AKAP6: variants seen among roughly 807,000 people sequenced by gnomAD.
The protein encoded by AKAP6 is A-kinase anchoring protein 6, also known as A-kinase anchor protein 6.
In AKAP6, 58 loss-of-function variants were observed where a neutral mutation model predicts 188.5. That is an observed-to-expected ratio of 0.31 (90% CI 0.25 to 0.38). AKAP6 has a LOEUF of 0.38. AKAP6 is among the 10% of genes least tolerant of loss of function. The pLI, the probability that AKAP6 is intolerant of heterozygous loss-of-function variation, is 1.00. For missense variants in AKAP6, 2,710 were observed against 2,740.0 expected (o/e 0.99, Z 0.24); for synonymous variants, 989 against 998.6 (o/e 0.99, Z 0.18).
At chr14:32,401,840 A>G (rs191962775) in intron 1 of AKAP6, among the ~76,000 whole-genome samples, 3 of 152,336 alleles carry the variant, frequency 2.0e-5, no homozygotes, top group African/African-American at 7.2e-5. Context: ...GCAGGAATCA[A>G]GCCTCATGAT....
intron 9 of AKAP6, among the ~76,000 whole-genome samples, chr14:32,711,644 C>T (rs1314762408): frequency 1.3e-5 from 2 of 152,032 alleles, no homozygotes; most frequent in Non-Finnish European, 2.9e-5. Context: ...CAAAGAGGCT[C>T]AGATCTCTAT....
chr14:32,584,693 T>G (rs1434401773), intron 5 of AKAP6, among the ~76,000 whole-genome samples: 2 of 141,792 alleles, frequency 1.4e-5, no homozygotes, highest in Non-Finnish European at 2.9e-5. Flanking sequence ...TATGACACTA[T>G]TAGGTTAGTT....
intron 1 of AKAP6, among the ~76,000 whole-genome samples, chr14:32,351,970 G>A (rs1050413974): frequency 1.3e-5 from 2 of 151,908 alleles, no homozygotes; most frequent in African/African-American, 4.8e-5. Flanking sequence ...TTGAACTTGG[G>A]TTTGTCTCCA....
At chr14:32,559,813 G>A (rs1388925065) in intron 4 of AKAP6, among the ~76,000 whole-genome samples, 1 of 138,666 alleles carries the variant, frequency 7.2e-6, no homozygotes, top group East Asian at 2.1e-4. Context: ...TTAAGGCAGA[G>A]TCTTGCTCTG....
intron 1 of AKAP6, among the ~76,000 whole-genome samples, chr14:32,354,580 C>G (rs192185515): frequency 2.6e-5 from 4 of 152,316 alleles, no homozygotes; most frequent in African/African-American, 9.6e-5. Flanking sequence ...TTAAACTTAT[C>G]CTATTGCTCT....
At chr14:32,790,459 G>A (rs1442554553) in intron 12 of AKAP6, among the ~76,000 whole-genome samples, 2 of 151,992 alleles carry the variant, frequency 1.3e-5, no homozygotes, top group African/African-American at 4.8e-5. Flanking sequence ...AAAATGTTAA[G>A]GGCAGCCAGA....
intron 1 of AKAP6, among the ~76,000 whole-genome samples, chr14:32,354,098 G>GA (rs1459931674): frequency 3.9e-5 from 6 of 151,936 alleles, no homozygotes; most frequent in African/African-American, 1.5e-4. Context: ...CACAGAATTG[G>GA]AAAAAACTAC....
At chr14:32,681,383 T>C (rs1232922248) in intron 8 of AKAP6, among the ~76,000 whole-genome samples, 1 of 152,136 alleles carries the variant, frequency 6.6e-6, no homozygotes, top group Non-Finnish European at 1.5e-5. Context: ...ATAGAAAGTT[T>C]AAAGTGGAGC....
At chr14:32,430,698 A>T (rs1389385016) in intron 1 of AKAP6, among the ~76,000 whole-genome samples, 1 of 152,172 alleles carries the variant, frequency 6.6e-6, no homozygotes, top group Non-Finnish European at 1.5e-5. Context: ...AACCAGTTCT[A>T]AGTTCTTGAC....
intron 1 of AKAP6, among the ~76,000 whole-genome samples, chr14:32,338,305 T>C (rs1886782280): frequency 6.6e-6 from 1 of 152,136 alleles, no homozygotes; most frequent in Non-Finnish European, 1.5e-5. Context: ...CAAGAAGTAG[T>C]AAATTGAGTG....
rs536687191 is a variant in AKAP6, at chr14:32,731,962, T to C, written c.3001-492T>C. 2.6e-5 allele frequency among the ~76,000 whole-genome samples: 4 copies of C among 152,110 alleles called. No homozygotes were observed. The East Asian group carries it at 7.7e-4, about 29-fold the overall frequency. On this transcript the variant is annotated intron_variant, in intron 9 of 13. Transcript: ENST00000280979. ...CCTTTTTCTCTATATATGTACCTTT[T>C]CTCCAAGCCCACACAGAGTTTTTAA...
At chr14:32,794,496 A>G (rs1116790) in intron 12 of AKAP6, among the ~76,000 whole-genome samples, 151,880 of 152,328 alleles carry the variant, frequency 1, 75,718 homozygotes, top group Middle Eastern at 1. Context: ...GGAGGCAGAT[A>G]TTGCAGTGAG....
chr14:32,752,540 T>C (rs896203979), intron 11 of AKAP6, among the ~76,000 whole-genome samples: 5 of 152,190 alleles, frequency 3.3e-5, no homozygotes, highest in African/African-American at 7.2e-5. Context: ...ACAGTGTACA[T>C]TGTGATGTTT....
chr14:32,694,271 G>A (rs1890302739), intron 8 of AKAP6, among the ~76,000 whole-genome samples: 1 of 151,866 alleles, frequency 6.6e-6, no homozygotes, highest in Non-Finnish European at 1.5e-5. Flanking sequence ...TGAGGCAGGA[G>A]AATGGTGTGA....
At chr14:32,351,669 T>C (rs1887275567) in intron 1 of AKAP6, among the ~76,000 whole-genome samples, 1 of 152,088 alleles carries the variant, frequency 6.6e-6, no homozygotes, top group East Asian at 1.9e-4. Flanking sequence ...TTTAAATACA[T>C]AGAATTATGA....
At chr14:32,368,529 C>G (rs921354749) in intron 1 of AKAP6, among the ~76,000 whole-genome samples, 2 of 151,378 alleles carry the variant, frequency 1.3e-5, no homozygotes, top group Non-Finnish European at 1.5e-5. Context: ...AAGGAAGTGA[C>G]TTTAAAGGAA....
rs1384897242 is a variant in AKAP6 at position 32,833,811 on chromosome 14, AT to A, written c.*4013del. 6.6e-5 allele frequency: 10 copies of A among 152,038 alleles called. No homozygotes were observed. The highest frequency in any genetic ancestry group is 4.8e-5 in the African/African-American group (2 of 41,392). 9.4% of individuals were successfully genotyped at this position (152,038 alleles called of 1,614,324 possible). On this transcript the variant is annotated 3_prime_UTR_variant, in exon 14 of 14. Transcript: ENST00000280979. Reference sequence around the variant, plus strand: ...TCGAACCAACTAAATTTACCGCTATATTTTTTTCTACATATTCTTTTTTCAA... The same window carrying A: ...TCGAACCAACTAAATTTACCGCTATATTTTTTCTACATATTCTTTTTTCAA...
intron 8 of AKAP6, among the ~76,000 whole-genome samples, chr14:32,686,227 G>A (rs888935211): frequency 6.6e-6 from 1 of 151,850 alleles, no homozygotes; most frequent in Non-Finnish European, 1.5e-5. Flanking sequence ...TATTTTTTGG[G>A]ATCTAAAAAT....
intron 2 of AKAP6, among the ~76,000 whole-genome samples, chr14:32,487,284 T>A (rs1171284842): frequency 6.6e-6 from 1 of 152,234 alleles, no homozygotes; most frequent in East Asian, 1.9e-4. Flanking sequence ...TTTTCTTTTT[T>A]TGTTGTTGTC....
Sources: gnomAD v4.1 joint callset for allele counts (sites outside exome capture counted in the v4.1 genomes callset) on GRCh38, gnomAD v4.1.1 for gene constraint, MANE v1.5 for transcripts, NCBI Gene and HGNC (gene_info 2026-07-23, HGNC 2026-07-21) for gene names.